Variants in ARB2A observed in about 807,000 individuals in gnomAD.
The protein encoded by ARB2A is cotranscriptional regulator ARB2A.
the ARB2A span, among the ~76,000 whole-genome samples, chr5:93,801,006 A>G: frequency 1.6e-4 from 24 of 152,290 alleles, 1 homozygote; most frequent in African/African-American, 5.8e-4. Context: ...TTTATAAGTA[A>G]AAAGGTACAA....
At chr5:93,925,295 A>G in the ARB2A span, among the ~76,000 whole-genome samples, 3 of 152,296 alleles carry the variant, frequency 2.0e-5, no homozygotes, top group Non-Finnish European at 4.4e-5. Context: ...ATTGTACGAG[A>G]CTATGATAGT....
the ARB2A span, among the ~76,000 whole-genome samples, chr5:93,963,521 T>C: frequency 6.6e-6 from 1 of 151,952 alleles, no homozygotes; most frequent in South Asian, 2.1e-4. Flanking sequence ...AATAAAAAGG[T>C]TTCCTTTAAA....
At chr5:93,741,082 T>C in the ARB2A span, 2 of 1,613,960 alleles carry the variant, frequency 1.2e-6, no homozygotes, top group South Asian at 1.1e-5. Flanking sequence ...GATGGTCGTC[T>C]GGCTAAGCAC....
the ARB2A span, among the ~76,000 whole-genome samples, chr5:94,095,017 C>A: frequency 6.6e-6 from 1 of 152,216 alleles, no homozygotes; most frequent in Non-Finnish European, 1.5e-5. Flanking sequence ...TTCTGTTTAA[C>A]AATACACACA....
the ARB2A span, among the ~76,000 whole-genome samples, chr5:93,966,486 A>C: frequency 8.5e-5 from 13 of 152,274 alleles, no homozygotes; most frequent in South Asian, 2.5e-3. Context: ...TTAGCTTTGA[A>C]AAACACGATA....
the ARB2A span, among the ~76,000 whole-genome samples, chr5:93,669,290 C>A: frequency 6.6e-6 from 1 of 152,148 alleles, no homozygotes; most frequent in Admixed American, 6.5e-5. Flanking sequence ...TAAAACTCAA[C>A]AATTAAGGAT....
At chr5:93,924,060 A>C in the ARB2A span, among the ~76,000 whole-genome samples, 1 of 152,124 alleles carries the variant, frequency 6.6e-6, no homozygotes, top group Non-Finnish European at 1.5e-5. Context: ...AAGCCTTCAA[A>C]TTATATTTGA....
At chr5:93,683,401 T>C in the ARB2A span, 2 of 1,602,774 alleles carry the variant, frequency 1.2e-6, no homozygotes, top group East Asian at 2.2e-5. Context: ...GCACTGGCCC[T>C]GAACCACACT....
At chr5:93,986,331 G>GC in the ARB2A span, among the ~76,000 whole-genome samples, 1 of 151,090 alleles carries the variant, frequency 6.6e-6, no homozygotes, top group Non-Finnish European at 1.5e-5. Flanking sequence ...GGTGGGGGGC[G>GC]CCCCCGCCCG....
At chr5:93,673,188 TA>T in the ARB2A span, among the ~76,000 whole-genome samples, 11 of 152,362 alleles carry the variant, frequency 7.2e-5, no homozygotes, top group East Asian at 2.1e-3. Flanking sequence ...GAGGTAATTT[TA>T]AATGAAATAA....
chr5:93,977,928 C>A, the ARB2A span, among the ~76,000 whole-genome samples: 1 of 151,966 alleles, frequency 6.6e-6, no homozygotes, highest in Non-Finnish European at 1.5e-5. Flanking sequence ...AACCAAAAAA[C>A]AAATAACCTC....
chr5:93,665,517 C>T, the ARB2A span, among the ~76,000 whole-genome samples: 11 of 152,176 alleles, frequency 7.2e-5, no homozygotes, highest in Admixed American at 1.3e-4. Flanking sequence ...AGAGATAGAC[C>T]AAAGACAGAA....
chr5:93,900,252 A>G, the ARB2A span, among the ~76,000 whole-genome samples: 3 of 152,188 alleles, frequency 2.0e-5, no homozygotes, highest in African/African-American at 7.2e-5. Flanking sequence ...TGCTCAGATA[A>G]TATCTAATAA....
the ARB2A span, among the ~76,000 whole-genome samples, chr5:93,712,161 A>G: frequency 6.6e-6 from 1 of 152,196 alleles, no homozygotes; most frequent in Non-Finnish European, 1.5e-5. Flanking sequence ...GCTTGGGGTG[A>G]TTGAACAAAA....
the ARB2A span, among the ~76,000 whole-genome samples, chr5:94,016,307 G>A: frequency 6.6e-6 from 1 of 152,142 alleles, no homozygotes; most frequent in Non-Finnish European, 1.5e-5. Flanking sequence ...GGTATCATTG[G>A]CTTCCTTAAC....
chr5:93,662,699 C>T, the ARB2A span, among the ~76,000 whole-genome samples: 2 of 152,116 alleles, frequency 1.3e-5, no homozygotes, highest in African/African-American at 4.8e-5. Flanking sequence ...AATTACTGTC[C>T]CTCCCTCGCT....
At chr5:93,940,254 G>A in the ARB2A span, among the ~76,000 whole-genome samples, 1 of 151,966 alleles carries the variant, frequency 6.6e-6, no homozygotes, top group African/African-American at 2.4e-5. Context: ...ATTCTAAATA[G>A]GCAAAGTATA....
chr5:93,650,670 G>C, the ARB2A span, among the ~76,000 whole-genome samples: 8 of 152,016 alleles, frequency 5.3e-5, no homozygotes, highest in African/African-American at 1.9e-4. Context: ...AAGAAGGCCA[G>C]CAAATAAACG....
the ARB2A span, among the ~76,000 whole-genome samples, chr5:93,873,477 G>GA: frequency 6.3e-3 from 947 of 150,698 alleles, 9 homozygotes; most frequent in African/African-American, 0.023. Context: ...AGGGAAAGGA[G>GA]AAAAAAAATC....
Sources: allele counts gnomAD v4.1 joint callset (sites outside exome capture counted in the v4.1 genomes callset), GRCh38; gene constraint gnomAD v4.1.1; transcripts MANE v1.5; gene names NCBI Gene and HGNC (gene_info 2026-07-23, HGNC 2026-07-21).